Variants in TRPC5 observed in about 807,000 individuals in gnomAD.
The protein encoded by TRPC5 is short transient receptor potential channel 5.
Under a neutral mutation model 56.5 loss-of-function variants are expected in TRPC5, and 9 were observed. The ratio of observed to expected loss-of-function variants is 0.16; its 90% CI spans 0.10 to 0.28. The LOEUF (loss-of-function observed/expected upper bound fraction) is 0.28, where lower values mean the gene tolerates loss of function less well. Among genes scored for constraint, TRPC5 ranks in the 10% least tolerant of loss-of-function variants. TRPC5 has a pLI of 1.00. For missense variants in TRPC5, 469 were observed against 748.9 expected (o/e 0.63, Z 4.36); for synonymous variants, 282 against 278.5 (o/e 1.01, Z -0.13).
Position 111,773,578 on chromosome X carries a change from A to C in TRPC5, c.*2735T>G, listed in dbSNP as rs1424034598. On this transcript the variant is annotated 3_prime_UTR_variant, in exon 11 of 11. Coordinates refer to ENST00000262839, the MANE Select transcript of TRPC5 (RefSeq NM_012471.3). ...GAACAAAAGGGTGTCTGTAGTGGCC[A>C]CTTCACATCTATATATAACATATAT... Among the ~76,000 whole-genome samples, 1 of 111,668 alleles carries C rather than the reference A, an allele frequency of 9.0e-6. No individual in the cohort carries two copies. The highest frequency in any genetic ancestry group is 1.9e-5 in the Non-Finnish European group (1 of 53,144).
intron 2 of TRPC5, among the ~76,000 whole-genome samples, chrX:111,944,299 T>TGAAAGAGA (rs1467346328): frequency 3.4e-5 from 3 of 89,049 alleles, no homozygotes; most frequent in African/African-American, 1.5e-4. Flanking sequence ...TGTGTGTGTG[T>TGAAAGAGA]GTGTGAGAGA....
chrX:111,910,304 T>C (rs1442992700), intron 3 of TRPC5, among the ~76,000 whole-genome samples: 2 of 112,004 alleles, frequency 1.8e-5, no homozygotes, highest in African/African-American at 3.2e-5. Flanking sequence ...GAAACAATAA[T>C]ATACATCTTT....
At chrX:111,888,091 G>T (rs1387917228) in intron 3 of TRPC5, among the ~76,000 whole-genome samples, 2 of 111,327 alleles carry the variant, frequency 1.8e-5, no homozygotes, top group Non-Finnish European at 3.8e-5. Context: ...GAGGGATTTA[G>T]CTCTTTTGAT....
chrX:111,805,508 C>A (rs1476146949), intron 7 of TRPC5, among the ~76,000 whole-genome samples: 1 of 110,574 alleles, frequency 9.0e-6, no homozygotes, highest in Admixed American at 9.7e-5. Flanking sequence ...CCAAAGTGGG[C>A]AAAGGGCATG....
At position 112,003,245 on chromosome X, in the gene TRPC5, C is replaced by T. The variant is rs149265773; in HGVS notation, c.-21-50804G>A. Among the ~76,000 whole-genome samples the T allele has an allele frequency of 3.4e-3, 381 of 111,537 alleles. 12 individuals carry two copies. The highest frequency in any genetic ancestry group is 8.2e-3 in the South Asian group (22 of 2,687). ...ACATTACAGAGTACACAATTATAAA[C>T]GAAGATAAATATTCTGAAGGCAAGG... On this transcript the variant is annotated intron_variant, in intron 1 of 10. Transcript: ENST00000262839.
intron 7 of TRPC5, among the ~76,000 whole-genome samples, chrX:111,819,886 A>G (rs1364367767): frequency 9.0e-6 from 1 of 111,527 alleles, no homozygotes; most frequent in African/African-American, 3.3e-5. Flanking sequence ...GAACAAACAC[A>G]CCTGGCATGA....
chrX:111,894,228 G>A (rs1472997880), intron 3 of TRPC5, among the ~76,000 whole-genome samples: 1 of 111,686 alleles, frequency 9.0e-6, no homozygotes. Flanking sequence ...CAACTATAAA[G>A]ATAGACCCAG....
chrX:111,847,082 AT>A (rs769666768), intron 6 of TRPC5, 31 bp downstream of exon 6: 19 of 1,152,020 alleles, frequency 1.6e-5, no homozygotes, highest in Admixed American at 5.9e-5. Context: ...AAAAAAAAAA[AT>A]AAATAAATAA....
intron 1 of TRPC5, among the ~76,000 whole-genome samples, chrX:111,959,886 G>A (rs756808258): frequency 2.2e-4 from 24 of 111,582 alleles, no homozygotes; most frequent in Admixed American, 5.7e-4. Context: ...GTGGTAACTG[G>A]AGCTGTTAGG....
Position 111,769,620 on chromosome X carries a change from C to G in TRPC5, c.*6693G>C, listed in dbSNP as rs1945832298. 9.0e-6 allele frequency among the ~76,000 whole-genome samples: 1 copy of G among 111,670 alleles called. No individual in the cohort carries two copies. Among genetic ancestry groups the G allele is most frequent in the Non-Finnish European group, 1.9e-5 (1 of 53,089 alleles). On this transcript the variant is annotated 3_prime_UTR_variant, in exon 11 of 11. Transcript: ENST00000262839. Reference sequence around the variant, plus strand: ...TGAATGCAGGTAATTGTACATAAATCATTCCTCAATAAAGTTAATTAGGGG... The same window carrying G: ...TGAATGCAGGTAATTGTACATAAATGATTCCTCAATAAAGTTAATTAGGGG...
At chrX:111,996,463 G>C (rs1255726734) in intron 1 of TRPC5, among the ~76,000 whole-genome samples, 1 of 112,035 alleles carries the variant, frequency 8.9e-6, no homozygotes, top group Non-Finnish European at 1.9e-5. Flanking sequence ...ATATTCTGTT[G>C]ATTTGGGGTG....
At chrX:111,860,066 G>A (rs956243425) in intron 3 of TRPC5, among the ~76,000 whole-genome samples, 4 of 95,467 alleles carry the variant, frequency 4.2e-5, no homozygotes, top group Non-Finnish European at 7.6e-5. Flanking sequence ...CCGCCACCAC[G>A]ACCGGCTAAT....
chrX:111,829,380 G>T (rs1335277616), intron 7 of TRPC5, among the ~76,000 whole-genome samples: 1 of 110,500 alleles, frequency 9.0e-6, no homozygotes. Flanking sequence ...CCTATTTTCT[G>T]GGGAGAAATT....
intron 3 of TRPC5, chrX:111,896,240 T>A (rs1321508338): frequency 9.0e-6 from 1 of 111,368 alleles, no homozygotes; most frequent in Non-Finnish European, 1.9e-5. Flanking sequence ...TCTTCAACAG[T>A]GCCCAGAATT....
chrX:111,778,322 A>G (rs1945894774), intron 10 of TRPC5, among the ~76,000 whole-genome samples: 1 of 111,412 alleles, frequency 9.0e-6, no homozygotes, highest in African/African-American at 3.3e-5. Context: ...ATATATATAG[A>G]TGTGTTCTAG....
Position 111,852,384 on chromosome X carries a change from T to C in TRPC5, c.1291A>G (p.Ile431Val), listed in dbSNP as rs1923109425. The C allele has an allele frequency of 8.3e-7, 1 of 1,210,092 alleles. No homozygotes were observed. Among genetic ancestry groups the C allele is most frequent in the African/African-American group, 1.7e-5 (1 of 57,753 alleles). Reference protein sequence around the residue: ...EMWDGGFTEYIHDWWNLMDFA... With the variant: ...EMWDGGFTEYVHDWWNLMDFA... ...TCCATCAGGTTCCACCAGTCATGGA[T>C]GTATTCAGTAAATCCACCATCCCAC... Residue 431 changes from isoleucine (I) to valine (V), a missense_variant, in exon 5 of 11, where the codon ATC becomes GTC. This residue lies in a region of TRPC5 where 157 missense variants were observed against 360.0 expected (regional missense o/e 0.44). Transcript: ENST00000262839.
At chrX:111,898,850 A>T (rs1603086506) in intron 3 of TRPC5, among the ~76,000 whole-genome samples, 1 of 110,207 alleles carries the variant, frequency 9.1e-6, no homozygotes, top group East Asian at 2.9e-4. Flanking sequence ...TATCAGAATG[A>T]CACGAAATCA....
chrX:111,907,756 A>T (rs1266879136), intron 3 of TRPC5, among the ~76,000 whole-genome samples: 2 of 111,937 alleles, frequency 1.8e-5, no homozygotes, highest in African/African-American at 6.5e-5. Context: ...AGAAGAGTTT[A>T]TACTGCAAAA....
intron 2 of TRPC5, among the ~76,000 whole-genome samples, chrX:111,924,037 T>C (rs1241884909): frequency 2.7e-5 from 3 of 111,567 alleles, no homozygotes; most frequent in Non-Finnish European, 5.6e-5. Context: ...GGAAAGAGGA[T>C]GGTGACAAGC....
Sources: allele counts gnomAD v4.1 joint callset (sites outside exome capture counted in the v4.1 genomes callset), GRCh38; gene constraint gnomAD v4.1.1; regional missense constraint gnomAD v4.1.1; transcripts MANE v1.5; gene names NCBI Gene and HGNC (gene_info 2026-07-23, HGNC 2026-07-21).